Variants in BABAM2 observed in about 807,000 individuals in gnomAD.
The protein encoded by BABAM2 is BRISC and BRCA1 A complex member 2.
A neutral mutation model predicts 54.7 loss-of-function variants in BABAM2; 31 were observed. That is an observed-to-expected ratio of 0.57 (90% CI 0.43 to 0.77). The LOEUF (loss-of-function observed/expected upper bound fraction) is 0.77, where lower values mean the gene tolerates loss of function less well. Among genes scored for constraint, BABAM2 ranks in the 30% least tolerant of loss-of-function variants. The pLI is 0.00. For synonymous variants in BABAM2, 167 were observed against 162.9 expected (o/e 1.03, Z -0.19); for missense variants, 364 against 455.8 (o/e 0.80, Z 1.83).
intron 3 of BABAM2, among the ~76,000 whole-genome samples, chr2:27,984,223 A>G (rs1017113205): frequency 1.3e-5 from 2 of 152,000 alleles, no homozygotes; most frequent in Non-Finnish European, 2.9e-5. Context: ...CAAAACTTTG[A>G]TATCTTTGCT....
At chr2:28,201,674 A>T (rs893308107) in intron 7 of BABAM2, among the ~76,000 whole-genome samples, 7 of 151,582 alleles carry the variant, frequency 4.6e-5, no homozygotes, top group African/African-American at 1.7e-4. Context: ...GTTTGGCCAA[A>T]CTCTTAACAT....
At chr2:28,017,917 C>A (rs1190344335) in intron 4 of BABAM2, among the ~76,000 whole-genome samples, 1 of 152,150 alleles carries the variant, frequency 6.6e-6, no homozygotes, top group Non-Finnish European at 1.5e-5. Flanking sequence ...GGTTGATGGA[C>A]ATTTGGGTTG....
intron 7 of BABAM2, among the ~76,000 whole-genome samples, chr2:28,230,114 A>T (rs998999472): frequency 6.6e-6 from 1 of 152,226 alleles, no homozygotes; most frequent in African/African-American, 2.4e-5. Flanking sequence ...AAGTGTGTTT[A>T]GTAGAAATAT....
chr2:27,943,650 C>T (rs544183181), intron 3 of BABAM2, among the ~76,000 whole-genome samples: 2 of 152,266 alleles, frequency 1.3e-5, no homozygotes, highest in South Asian at 4.1e-4. Flanking sequence ...CTATGACTTG[C>T]AACAGTTGAG....
chr2:28,100,485 T>C (rs1383364168), intron 6 of BABAM2, among the ~76,000 whole-genome samples: 1 of 133,586 alleles, frequency 7.5e-6, no homozygotes, highest in East Asian at 2.1e-4. Flanking sequence ...AAAAAAAAGA[T>C]GGCTGCCTGA....
intron 5 of BABAM2, among the ~76,000 whole-genome samples, chr2:28,032,797 T>C (rs1164689563): frequency 6.6e-6 from 1 of 152,198 alleles, no homozygotes; most frequent in Non-Finnish European, 1.5e-5. Context: ...AAAGTGTATT[T>C]ATTTTATATT....
At chr2:28,315,256 G>A (rs893841998) in intron 11 of BABAM2, among the ~76,000 whole-genome samples, 12 of 152,022 alleles carry the variant, frequency 7.9e-5, no homozygotes, top group Non-Finnish European at 1.6e-4. Context: ...TTGTTTGTTT[G>A]TTTTTAAATC....
intron 3 of BABAM2, among the ~76,000 whole-genome samples, chr2:27,957,628 A>C (rs1011663912): frequency 6.6e-6 from 1 of 152,180 alleles, no homozygotes; most frequent in Admixed American, 6.5e-5. Context: ...TTTTAGATGA[A>C]AAGGAAGTAG....
At chr2:28,214,777 GA>G (rs1679781780) in intron 7 of BABAM2, among the ~76,000 whole-genome samples, 3 of 151,828 alleles carry the variant, frequency 2.0e-5, no homozygotes, top group Admixed American at 2.0e-4. Context: ...CTAGTTTGCT[GA>G]AGTTTTTTTT....
intron 6 of BABAM2, among the ~76,000 whole-genome samples, chr2:28,122,284 T>G (rs2148752690): frequency 6.6e-6 from 1 of 152,200 alleles, no homozygotes; most frequent in Non-Finnish European, 1.5e-5. Context: ...TACACTTAAT[T>G]CTGAGTCTAG....
chr2:27,935,792 C>T (rs186904123), intron 3 of BABAM2, among the ~76,000 whole-genome samples: 53 of 152,380 alleles, frequency 3.5e-4, no homozygotes, highest in Admixed American at 9.8e-4. Flanking sequence ...CCACTGTAAT[C>T]AGTCAGGAGC....
rs568255767 is a variant in BABAM2 at position 28,329,689 on chromosome 2, A to T, written c.1089-8761A>T. 6.6e-6 allele frequency among the ~76,000 whole-genome samples: 1 copy of T among 152,340 alleles called. No homozygotes were observed. Among genetic ancestry groups the T allele is most frequent in the South Asian group, 2.1e-4 (1 of 4,828 alleles). On this transcript the variant is annotated intron_variant, in intron 11 of 11. Transcript: ENST00000379624. The surrounding 1 kb of genome is among the most constrained non-coding windows in gnomAD (Gnocchi z 4.2). ...AAGTTCTGAAATTGAGGCAGTAATA[A>T]ATAGCCTACCAACCAAAAAAAGCCC...
chr2:28,291,454 C>T (rs562440776), intron 10 of BABAM2, among the ~76,000 whole-genome samples: 8 of 151,808 alleles, frequency 5.3e-5, no homozygotes, highest in Non-Finnish European at 1.2e-4. Flanking sequence ...ATTAGCCAGG[C>T]GTGGTGGTGG....
chr2:28,245,202 C>CA (rs1682806667), intron 10 of BABAM2, among the ~76,000 whole-genome samples: 1 of 151,728 alleles, frequency 6.6e-6, no homozygotes. Context: ...CACACACACA[C>CA]ACAAAAAATT....
chr2:27,934,683 A>T (rs944555558), intron 3 of BABAM2, among the ~76,000 whole-genome samples: 23 of 152,274 alleles, frequency 1.5e-4, no homozygotes, highest in African/African-American at 5.5e-4. Context: ...GGAAATTAGA[A>T]GTGCTACTCT....
At chr2:28,125,588 C>A (rs914769402) in intron 6 of BABAM2, among the ~76,000 whole-genome samples, 1 of 152,118 alleles carries the variant, frequency 6.6e-6, no homozygotes, top group Non-Finnish European at 1.5e-5. Flanking sequence ...CCACCGCGCC[C>A]GGCCTGTTGC....
intron 10 of BABAM2, among the ~76,000 whole-genome samples, chr2:28,269,933 T>C (rs1324813299): frequency 6.6e-6 from 1 of 152,274 alleles, no homozygotes; most frequent in South Asian, 2.1e-4. Context: ...TGGCCAACTA[T>C]ACATATTAGG....
At chr2:28,151,865 C>T (rs1303488121) in intron 7 of BABAM2, among the ~76,000 whole-genome samples, 1 of 152,092 alleles carries the variant, frequency 6.6e-6, no homozygotes, top group East Asian at 1.9e-4. Flanking sequence ...TTGAGATATC[C>T]AACCCCTTTT....
At chr2:28,332,016 G>A (rs2148334892) in intron 11 of BABAM2, among the ~76,000 whole-genome samples, 1 of 152,286 alleles carries the variant, frequency 6.6e-6, no homozygotes, top group Non-Finnish European at 1.5e-5. Context: ...CTTTTGCAGG[G>A]ACATGGATGG....
Sources: allele counts gnomAD v4.1 joint callset (sites outside exome capture counted in the v4.1 genomes callset), GRCh38; gene constraint gnomAD v4.1.1; non-coding constraint Gnocchi (gnomAD v3.1); transcripts MANE v1.5; gene names NCBI Gene and HGNC (gene_info 2026-07-23, HGNC 2026-07-21).